ZNG1B: variants seen among roughly 807,000 people sequenced by gnomAD.
ZNG1B encodes the protein zinc-regulated GTPase metalloprotein activator 1B.
the ZNG1B span, chr2:113,494,133 A>G: frequency 7.5e-7 from 1 of 1,333,508 alleles, no homozygotes. Flanking sequence ...TATTTTCATG[A>G]CTGAAAAGGA....
At chr2:113,440,113 T>C in the ZNG1B span, among the ~76,000 whole-genome samples, 1 of 151,498 alleles carries the variant, frequency 6.6e-6, no homozygotes. Flanking sequence ...CTCGATCTCC[T>C]GACCTCGTGA....
chr2:113,441,201 G>A, the ZNG1B span: 1 of 1,218,674 alleles, frequency 8.2e-7, no homozygotes, highest in East Asian at 2.7e-5. Context: ...TTCAAAGGAT[G>A]CTTTAATCTT....
At chr2:113,461,989 A>G in the ZNG1B span, among the ~76,000 whole-genome samples, 2 of 152,042 alleles carry the variant, frequency 1.3e-5, no homozygotes, top group Non-Finnish European at 2.9e-5. Context: ...TAAATATTAC[A>G]GTATTTTAGT....
the ZNG1B span, among the ~76,000 whole-genome samples, chr2:113,492,196 T>C: frequency 1.4e-5 from 2 of 140,198 alleles, no homozygotes; most frequent in African/African-American, 5.1e-5. Flanking sequence ...CACGCATGTT[T>C]ATAGCAGCAC....
At chr2:113,438,782 G>T in the ZNG1B span, among the ~76,000 whole-genome samples, 1 of 152,232 alleles carries the variant, frequency 6.6e-6, no homozygotes, top group African/African-American at 2.4e-5. Flanking sequence ...ATATATGACT[G>T]TATTAGAAGT....
the ZNG1B span, chr2:113,460,619 C>T: frequency 2.6e-6 from 4 of 1,516,384 alleles, no homozygotes; most frequent in South Asian, 4.6e-5. Context: ...TTTGTGTTGA[C>T]ATTAGATTTT....
At chr2:113,462,106 A>T in the ZNG1B span, among the ~76,000 whole-genome samples, 1 of 152,116 alleles carries the variant, frequency 6.6e-6, no homozygotes. Context: ...AAACTTTTTG[A>T]GACTTATCTT....
chr2:113,454,036 C>G, the ZNG1B span, among the ~76,000 whole-genome samples: 1 of 151,930 alleles, frequency 6.6e-6, no homozygotes, highest in Non-Finnish European at 1.5e-5. Flanking sequence ...TTTTAAAAAC[C>G]AGTCGAAATT....
chr2:113,476,688 C>T, the ZNG1B span, among the ~76,000 whole-genome samples: 375 of 149,682 alleles, frequency 2.5e-3, 2 homozygotes, highest in African/African-American at 8.6e-3. Context: ...ATGTACAGAT[C>T]GGTTTTTGGT....
chr2:113,451,887 T>C, the ZNG1B span, among the ~76,000 whole-genome samples: 1 of 152,066 alleles, frequency 6.6e-6, no homozygotes, highest in South Asian at 2.1e-4. Context: ...GATTTATGTA[T>C]GTTAGATATT....
the ZNG1B span, among the ~76,000 whole-genome samples, chr2:113,475,220 A>AT: frequency 6.7e-6 from 1 of 148,202 alleles, no homozygotes; most frequent in Non-Finnish European, 1.5e-5. Flanking sequence ...TTCTTGTTGA[A>AT]TTGATCCCTT....
the ZNG1B span, chr2:113,462,750 C>T: frequency 7.7e-6 from 4 of 520,592 alleles, no homozygotes; most frequent in East Asian, 1.3e-4. Flanking sequence ...TCTTTCTTTT[C>T]CTGTCTTCTC....
the ZNG1B span, among the ~76,000 whole-genome samples, chr2:113,442,611 ATTTTC>A: frequency 1.3e-5 from 2 of 151,978 alleles, no homozygotes; most frequent in Admixed American, 6.5e-5. Context: ...TATTCTTACT[ATTTTC>A]TTTATTTTTT....
At chr2:113,489,618 C>T in the ZNG1B span, among the ~76,000 whole-genome samples, 7 of 152,234 alleles carry the variant, frequency 4.6e-5, no homozygotes, top group Admixed American at 2.6e-4. Context: ...CTTCAAGAGT[C>T]TCACCTAACA....
At chr2:113,471,616 A>G in the ZNG1B span, among the ~76,000 whole-genome samples, 7 of 148,782 alleles carry the variant, frequency 4.7e-5, no homozygotes, top group East Asian at 2.0e-4. Flanking sequence ...ATATCTCCCA[A>G]TGCTATCCCT....
At chr2:113,478,306 C>T in the ZNG1B span, among the ~76,000 whole-genome samples, 180 of 145,532 alleles carry the variant, frequency 1.2e-3, no homozygotes, top group African/African-American at 3.0e-3. Flanking sequence ...TGAGATGGGG[C>T]TCTCTGTCAC....
the ZNG1B span, among the ~76,000 whole-genome samples, chr2:113,476,973 G>T: frequency 6.6e-6 from 1 of 152,226 alleles, no homozygotes; most frequent in African/African-American, 2.4e-5. Flanking sequence ...GTCTTTTTGT[G>T]TGTCTGTGCC....
the ZNG1B span, among the ~76,000 whole-genome samples, chr2:113,438,812 G>A: frequency 3.0e-3 from 427 of 143,130 alleles, no homozygotes; most frequent in Middle Eastern, 0.011. Flanking sequence ...GTTAAGAAAT[G>A]TAAATAAAAT....
the ZNG1B span, among the ~76,000 whole-genome samples, chr2:113,476,784 G>A: frequency 2.0e-5 from 3 of 152,182 alleles, no homozygotes; most frequent in South Asian, 6.2e-4. Flanking sequence ...GCCGTGTGAG[G>A]TGTCAGTCTG....
Sources: gnomAD v4.1 joint callset for allele counts (sites outside exome capture counted in the v4.1 genomes callset) on GRCh38, gnomAD v4.1.1 for gene constraint, MANE v1.5 for transcripts, NCBI Gene and HGNC (gene_info 2026-07-23, HGNC 2026-07-21) for gene names.